The following CACNG6 variants were observed in gnomAD, a reference collection of about 807,000 sequenced individuals.
The protein encoded by CACNG6 is voltage-dependent calcium channel gamma-6 subunit.
CACNG6 carries 21 observed loss-of-function variants against 23.9 expected under a neutral mutation model. The observed-to-expected ratio is 0.88, with a 90% confidence interval of 0.62 to 1.26. CACNG6 has a LOEUF of 1.26. CACNG6 is among the 50% of genes most tolerant of loss of function. The pLI, the probability that CACNG6 is intolerant of heterozygous loss-of-function variation, is 0.00. For missense variants in CACNG6, 340 were observed against 352.9 expected, an observed-to-expected ratio of 0.96 and a Z score of 0.29; for synonymous variants, 182 against 168.9, an observed-to-expected ratio of 1.08 and a Z score of -0.60.
In CACNG6 at chr19:54,012,219, A is replaced by G; in HGVS notation, c.*30A>G. 9.6e-7 allele frequency: 1 copy of G among 1,039,214 alleles called. No homozygotes were observed. The highest frequency in any genetic ancestry group is 1.3e-6 in the Non-Finnish European group (1 of 748,512). 64.4% of individuals were successfully genotyped at this position (1,039,214 alleles called of 1,614,324 possible). On this transcript the variant is annotated 3_prime_UTR_variant, in exon 4 of 4. Transcript: ENST00000252729. ...ACGCGTGAGACTTCTCTAAGCAACC[A>G]CCGAGCCCTTTGACCTTCTCCATTG...
intron 3 of CACNG6, among the ~76,000 whole-genome samples, chr19:54,006,241 C>T (rs924170422): frequency 6.6e-6 from 1 of 151,688 alleles, no homozygotes; most frequent in Non-Finnish European, 1.5e-5. Context: ...TTGCCAGGGC[C>T]ACTATAAGAA....
chr19:54,006,522 C>CTTTT (rs766609552), intron 3 of CACNG6, among the ~76,000 whole-genome samples: 291 of 34,016 alleles, frequency 8.6e-3, no homozygotes, highest in Non-Finnish European at 9.5e-3. Context: ...TCTTTCTTTT[C>CTTTT]TTTTTTTTTT....
chr19:54,011,203 A>ATATATATATATATATAT (rs1236174156), intron 3 of CACNG6, among the ~76,000 whole-genome samples: 5 of 100,638 alleles, frequency 5.0e-5, no homozygotes, highest in Non-Finnish European at 8.9e-5. Flanking sequence ...AAAAAAAAAA[A>ATATATATATATATATAT]AAATATATAT....
upstream of CACNG6, among the ~76,000 whole-genome samples, chr19:53,991,409 T>C (rs774436904): frequency 1.1e-4 from 16 of 151,720 alleles, no homozygotes; most frequent in Non-Finnish European, 2.1e-4. Context: ...GGCGCCGCTC[T>C]TGCCCCTTAG....
chr19:54,005,638 A>C (rs1190103335), intron 3 of CACNG6, among the ~76,000 whole-genome samples: 1 of 151,752 alleles, frequency 6.6e-6, no homozygotes, highest in East Asian at 1.9e-4. Context: ...CTGTAGTCCC[A>C]GCTACTAAGG....
chr19:53,994,313 C>A (rs529928182), intron 1 of CACNG6, among the ~76,000 whole-genome samples: 11 of 152,306 alleles, frequency 7.2e-5, no homozygotes, highest in Admixed American at 3.3e-4. Flanking sequence ...CCTGTCCTCT[C>A]GCCTCCAAAT....
intron 2 of CACNG6, among the ~76,000 whole-genome samples, chr19:53,998,625 C>G (rs147382414): frequency 0.013 from 2,043 of 151,810 alleles, 45 homozygotes; most frequent in African/African-American, 0.047. Context: ...AATTCACCTA[C>G]CTCAGCCTCC....
chr19:53,996,157 A>G (rs1041009063), intron 1 of CACNG6, among the ~76,000 whole-genome samples: 2 of 152,106 alleles, frequency 1.3e-5, no homozygotes, highest in African/African-American at 4.8e-5. Flanking sequence ...ACATTCATGG[A>G]CTGCCTGGTC....
At chr19:54,005,644 T>C (rs1409885257) in intron 3 of CACNG6, among the ~76,000 whole-genome samples, 6 of 150,916 alleles carry the variant, frequency 4.0e-5, no homozygotes, top group Non-Finnish European at 3.0e-5. Flanking sequence ...TCCCAGCTAC[T>C]AAGGAGGCTG....
chr19:54,002,290 T>TTTTTTTTTTG (rs2069587627), intron 3 of CACNG6, among the ~76,000 whole-genome samples: 2 of 144,814 alleles, frequency 1.4e-5, no homozygotes, highest in African/African-American at 5.4e-5. Context: ...TTTTGTTTTT[T>TTTTTTTTTTG]TTTTTTTTGT....
At chr19:54,011,733 A>C (rs1600067289) in intron 3 of CACNG6, among the ~76,000 whole-genome samples, 3 of 146,382 alleles carry the variant, frequency 2.0e-5, no homozygotes, top group Non-Finnish European at 1.5e-5. Flanking sequence ...CCATCCTTCT[A>C]CTTTCTGTCT....
In CACNG6 at chr19:53,992,765, G is replaced by A. The variant is rs2069474409; in HGVS notation, c.-113G>A. 8 of 602,258 alleles carry A rather than the reference G, an allele frequency of 1.3e-5. No individual in the cohort carries two copies. Among genetic ancestry groups the A allele is most frequent in the Non-Finnish European group, 2.1e-5 (8 of 385,788 alleles). 37.3% of individuals were successfully genotyped at this position (602,258 alleles called of 1,614,324 possible). A position where few individuals can be genotyped will look rare whatever the true frequency, so the allele number is the denominator to read the frequency against. On this transcript the variant is annotated 5_prime_UTR_variant, in exon 1 of 4. Transcript: ENST00000252729. This position sits in a 1 kb window ranked among gnomAD's most constrained non-coding sequence, Gnocchi z 4.1. The stretch of plus-strand genomic sequence containing the variant: ...TCGGCTCTCCCTCTTTCATACCCAG[G>A]GGAAACTGAGTCCCTCACCCCCTTC...
Position 53,993,167 on chromosome 19 carries a change from C to T in CACNG6, c.290C>T (p.Pro97Leu). ...AAGCGGCTGTGGCAGGCGGACGTGC[C>T]CGTGGACAGGGACACCTGCGGCCCC... ...CTKRLWQADVPVDRDTCGPAE... is the reference protein window; with the variant it reads ...CTKRLWQADVLVDRDTCGPAE... The change falls in exon 1 of 4, where the codon CCC (proline) becomes CTC (leucine). Residue 97 changes from proline to leucine, a missense_variant. Physicochemically the swap from Pro to Leu is moderately conservative, Grantham distance 98 (BLOSUM62 -3). Coordinates refer to ENST00000252729, the MANE Select transcript of CACNG6 (RefSeq NM_145814.2). 1 of 1,544,194 alleles carries T rather than the reference C, an allele frequency of 6.5e-7. No individual in the cohort carries two copies. The highest frequency in any genetic ancestry group is 1.7e-4 in the Middle Eastern group (1 of 5,804).
Position 54,011,996 on chromosome 19 carries a change from G to T in CACNG6, c.590G>T (p.Arg197Met). The T allele has an allele frequency of 6.3e-7, 1 of 1,594,808 alleles. No individual in the cohort carries two copies. ...CTGGAGGTGTTCCGGCATTCCGTGAGGGCCCTGCTGCAGAGAGTCAGCCCG... is the reference window on the plus strand; with the variant it reads ...CTGGAGGTGTTCCGGCATTCCGTGATGGCCCTGCTGCAGAGAGTCAGCCCG... ...VSLEVFRHSV[R>M]ALLQRVSPEP... The change falls in exon 4 of 4, where the codon AGG becomes ATG. Residue 197 changes from arginine (R) to methionine (M), a missense_variant. Arg to Met is a moderately conservative substitution (Grantham distance 91). Coordinates refer to ENST00000252729, the MANE Select transcript of CACNG6 (RefSeq NM_145814.2).
At chr19:54,011,705 C>A (rs972101405) in intron 3 of CACNG6, among the ~76,000 whole-genome samples, 1 of 151,880 alleles carries the variant, frequency 6.6e-6, no homozygotes, top group Non-Finnish European at 1.5e-5. Flanking sequence ...TTTTCCTCTT[C>A]CCTCCGGCCC....
intron 3 of CACNG6, among the ~76,000 whole-genome samples, chr19:54,000,986 G>C (rs775022927): frequency 2.6e-5 from 4 of 151,180 alleles, no homozygotes; most frequent in Non-Finnish European, 4.4e-5. Flanking sequence ...TTTTAAACTC[G>C]GTTTTCTTTC....
intron 3 of CACNG6, among the ~76,000 whole-genome samples, chr19:54,011,735 T>A (rs2069717021): frequency 6.6e-6 from 1 of 150,874 alleles, no homozygotes; most frequent in Non-Finnish European, 1.5e-5. Flanking sequence ...ATCCTTCTAC[T>A]TTCTGTCTCT....
intron 3 of CACNG6, among the ~76,000 whole-genome samples, chr19:54,011,430 C>CAAAAAAAAAAAAAAAAAAAAAAAA (rs59105087): frequency 9.9e-6 from 1 of 100,584 alleles, no homozygotes; most frequent in African/African-American, 3.7e-5. Flanking sequence ...GACTCCGTCT[C>CAAAAAAAAAAAAAAAAAAAAAAAA]AAAAAAAAAA....
chr19:54,006,097 A>AATAAATAAATAAATAAATAC (rs1186414914), intron 3 of CACNG6, among the ~76,000 whole-genome samples: 1 of 149,108 alleles, frequency 6.7e-6, no homozygotes, highest in Non-Finnish European at 1.5e-5. Context: ...TTCAAAAATA[A>AATAAATAAATAAATAAATAC]ATAAATAAAT....
Sources: gnomAD v4.1 joint callset for allele counts (sites outside exome capture counted in the v4.1 genomes callset) on GRCh38, gnomAD v4.1.1 for gene constraint, Gnocchi (gnomAD v3.1) non-coding constraint, MANE v1.5 for transcripts, NCBI Gene and HGNC (gene_info 2026-07-23, HGNC 2026-07-21) for gene names.